SLC12A8: variants seen among roughly 807,000 people sequenced by gnomAD.
SLC12A8 encodes solute carrier family 12 member 8.
In SLC12A8, 69 loss-of-function variants were observed where a neutral mutation model predicts 75.6. That is an observed-to-expected ratio of 0.91 (90% CI 0.75 to 1.11). The LOEUF is 1.11. SLC12A8 is among the 50% of genes most tolerant of loss of function. The pLI is 0.00. For missense variants in SLC12A8, 877 were observed against 896.7 expected (o/e 0.98, Z 0.28); for synonymous variants, 365 against 372.8 (o/e 0.98, Z 0.24).
intron 12 of SLC12A8, among the ~76,000 whole-genome samples, chr3:125,091,122 G>T (rs575589739): frequency 6.6e-6 from 1 of 152,250 alleles, no homozygotes; most frequent in South Asian, 2.1e-4. Flanking sequence ...ACCACAATCC[G>T]CCATCAAGTG....
chr3:125,114,467 C>CA (rs1455716267), intron 8 of SLC12A8, among the ~76,000 whole-genome samples: 3 of 152,230 alleles, frequency 2.0e-5, no homozygotes, highest in Non-Finnish European at 4.4e-5. Flanking sequence ...CACTGTTGCC[C>CA]AGGCTGGAGT....
At chr3:125,088,264 T>C (rs1284869807) in intron 13 of SLC12A8, 46 bp downstream of exon 13, 1 of 1,597,592 alleles carries the variant, frequency 6.3e-7, no homozygotes, top group Non-Finnish European at 8.6e-7. Flanking sequence ...CTCCCAGGAC[T>C]CTGGACACTC....
chr3:125,135,933 C>G, intron 5 of SLC12A8, 151 bp from the exon 6 acceptor site: 1 of 471,180 alleles, frequency 2.1e-6, no homozygotes, highest in Admixed American at 3.7e-5. Context: ...GTCTGCAGAA[C>G]CATCTACCTT....
chr3:125,143,856 T>A (rs1376122037), intron 5 of SLC12A8, among the ~76,000 whole-genome samples: 1 of 152,160 alleles, frequency 6.6e-6, no homozygotes, highest in East Asian at 1.9e-4. Context: ...CAAGAGCAGC[T>A]CCTGCCATGC....
chr3:125,167,345 C>T (rs565428174), intron 5 of SLC12A8, among the ~76,000 whole-genome samples: 36 of 152,260 alleles, frequency 2.4e-4, no homozygotes, highest in African/African-American at 8.7e-4. Context: ...GGGGTTTCAC[C>T]ATGTTGGCCA....
At chr3:125,100,127 G>A (rs559073817) in intron 10 of SLC12A8, among the ~76,000 whole-genome samples, 2 of 152,120 alleles carry the variant, frequency 1.3e-5, no homozygotes, top group African/African-American at 4.8e-5. Context: ...GGAAGCAAAG[G>A]AAAGAGAGTC....
intron 2 of SLC12A8, among the ~76,000 whole-genome samples, chr3:125,203,177 A>G (rs1935161966): frequency 6.6e-6 from 1 of 151,952 alleles, no homozygotes; most frequent in Non-Finnish European, 1.5e-5. Flanking sequence ...TACAGAGTCA[A>G]TACAATCCCT....
At chr3:125,160,593 T>G (rs1405204224) in intron 5 of SLC12A8, among the ~76,000 whole-genome samples, 1 of 152,218 alleles carries the variant, frequency 6.6e-6, no homozygotes, top group Non-Finnish European at 1.5e-5. Context: ...AATCAGCCAC[T>G]GGTTGCAAAT....
At chr3:125,150,390 C>A (rs1933889854) in intron 5 of SLC12A8, among the ~76,000 whole-genome samples, 1 of 152,150 alleles carries the variant, frequency 6.6e-6, no homozygotes, top group Non-Finnish European at 1.5e-5. Flanking sequence ...AGGGGCCTGT[C>A]AAAGACAGGT....
chr3:125,135,678 C>A lies in SLC12A8; in HGVS notation c.727G>T (p.Ala243Ser). 6.3e-7 allele frequency: 1 copy of A among 1,599,304 alleles called. No homozygotes were observed. Residue 243 changes from alanine to serine, a missense_variant, in exon 6 of 14, where the codon GCG (alanine) becomes TCG (serine). By Grantham distance (99) the Ala-to-Ser change is moderately conservative (BLOSUM62 1). Transcript: ENST00000469902. Reference sequence around the variant, plus strand: ...ACCCAGATTACAATACCTGTAGCCGCTGGGAAGAAAACCCCAAAGACAGTG... The same window carrying A: ...ACCCAGATTACAATACCTGTAGCCGATGGGAAGAAAACCCCAAAGACAGTG... ...FFTVFGVFFP[A>S]ATGVMAGFNM... is the part of the protein sequence containing the mutation.
intron 2 of SLC12A8, among the ~76,000 whole-genome samples, chr3:125,205,080 C>T (rs1034205536): frequency 6.6e-6 from 1 of 152,130 alleles, no homozygotes; most frequent in African/African-American, 2.4e-5. Flanking sequence ...CAGAGCCAGA[C>T]ACCCGGCAAC....
intron 4 of SLC12A8, among the ~76,000 whole-genome samples, chr3:125,183,911 G>A (rs1934718779): frequency 6.6e-6 from 1 of 152,068 alleles, no homozygotes; most frequent in South Asian, 2.1e-4. Context: ...GAAGGGGGAA[G>A]GGTTTTGTAG....
intron 6 of SLC12A8, among the ~76,000 whole-genome samples, chr3:125,130,617 A>G (rs1933329300): frequency 6.6e-6 from 1 of 151,902 alleles, no homozygotes. Context: ...AAAAAGAAAA[A>G]GAAAAAGAAA....
intron 10 of SLC12A8, among the ~76,000 whole-genome samples, chr3:125,097,592 G>C (rs1394891188): frequency 4.7e-5 from 7 of 150,414 alleles, no homozygotes; most frequent in Non-Finnish European, 8.8e-5. Context: ...TGAGGAACTT[G>C]GGCAGAAGTA....
At chr3:125,162,553 A>C (rs541760088) in intron 5 of SLC12A8, among the ~76,000 whole-genome samples, 1 of 152,346 alleles carries the variant, frequency 6.6e-6, no homozygotes, top group South Asian at 2.1e-4. Flanking sequence ...TCCCTCCCTT[A>C]GCACCAGCGA....
At chr3:125,114,651 T>C (rs1225231593) in intron 8 of SLC12A8, among the ~76,000 whole-genome samples, 4 of 152,138 alleles carry the variant, frequency 2.6e-5, no homozygotes, top group Non-Finnish European at 5.9e-5. Context: ...GGTCTTGAAC[T>C]CCTGACCTCA....
At chr3:125,185,320 CAAAAACA>C (rs762190741) in intron 4 of SLC12A8, among the ~76,000 whole-genome samples, 3 of 141,948 alleles carry the variant, frequency 2.1e-5, no homozygotes, top group Admixed American at 7.1e-5. Context: ...AACGGCGTCT[CAAAAACA>C]AAAAACAAAA....
rs551726911 is a variant in SLC12A8 at position 125,207,147 on chromosome 3, T to C, written c.51+4152A>G. ...GACCTGGAAACTCCTCCTCCTGTGC[T>C]TGGGCCAGTCACAATGGTTCTGACG... On this transcript the variant is annotated intron_variant, in intron 2 of 13. Transcript: ENST00000469902. 2.2e-4 allele frequency among the ~76,000 whole-genome samples: 34 copies of C among 152,304 alleles called. No individual in the cohort carries two copies. In the South Asian group the frequency reaches 2.9e-3, roughly 13 times the overall value.
intron 6 of SLC12A8, among the ~76,000 whole-genome samples, chr3:125,133,582 C>T (rs965678490): frequency 1.3e-5 from 2 of 152,054 alleles, no homozygotes; most frequent in East Asian, 1.9e-4. Context: ...CATGCCACCA[C>T]GCCCAGCTAA....
Sources: allele counts gnomAD v4.1 joint callset (sites outside exome capture counted in the v4.1 genomes callset), GRCh38; gene constraint gnomAD v4.1.1; transcripts MANE v1.5; gene names NCBI Gene and HGNC (gene_info 2026-07-23, HGNC 2026-07-21).